Variants in GRM1 observed in about 807,000 individuals in gnomAD.
GRM1 encodes the protein glutamate metabotropic receptor 1, also known as metabotropic glutamate receptor 1.
Under a neutral mutation model 90.9 loss-of-function variants are expected in GRM1, and 33 were observed. That is an observed-to-expected ratio of 0.36 (90% CI 0.28 to 0.49). The LOEUF is 0.49. Among genes scored for constraint, GRM1 ranks in the 20% least tolerant of loss-of-function variants. The pLI is 0.99. For missense variants in GRM1, 1,190 were observed against 1,534.3 expected (o/e 0.78, Z 3.75); for synonymous variants, 700 against 613.2 (o/e 1.14, Z -2.09).
intron 1 of GRM1, among the ~76,000 whole-genome samples, chr6:146,123,394 C>T (rs1181090114): frequency 6.6e-6 from 1 of 152,140 alleles, no homozygotes. Context: ...ACCAGGCAAA[C>T]CTTCTTCTAG....
chr6:146,335,617 C>G (rs769644795), intron 3 of GRM1, among the ~76,000 whole-genome samples: 10 of 152,150 alleles, frequency 6.6e-5, no homozygotes, highest in Non-Finnish European at 1.2e-4. Flanking sequence ...ACTCCAAGTC[C>G]TAGAACATCA....
Position 146,357,646 on chromosome 6 carries a change from A to G in GRM1, c.1554A>G (p.Gly518=). ...DDYKIQMNKS[G]VVRSVCSEPC... The stretch of plus-strand genomic sequence containing the variant: ...ACAAAATCCAGATGAACAAGAGTGG[A>G]GTGGTGCGGTCTGTGTGCAGTGAGC... The change falls in exon 5 of 8, where the codon GGA becomes GGG. Residue 518 remains glycine (G), a synonymous_variant. Transcript: ENST00000282753. The G allele has an allele frequency of 1.9e-6, 3 of 1,614,046 alleles. No individual in the cohort carries two copies. The highest frequency in any genetic ancestry group is 1.7e-6 in the Non-Finnish European group (2 of 1,179,908).
chr6:146,139,169 G>A (rs1404709995), intron 1 of GRM1, among the ~76,000 whole-genome samples: 1 of 151,780 alleles, frequency 6.6e-6, no homozygotes, highest in Non-Finnish European at 1.5e-5. Context: ...TTTCATTATG[G>A]TCAAAGAAGA....
At chr6:146,118,814 C>T (rs1317306520) in intron 1 of GRM1, among the ~76,000 whole-genome samples, 1 of 152,174 alleles carries the variant, frequency 6.6e-6, no homozygotes, top group Non-Finnish European at 1.5e-5. Context: ...TGTATATGTG[C>T]CACATTTTCT....
chr6:146,357,809 G>A, intron 5 of GRM1, 115 bp downstream of exon 5: 1 of 859,202 alleles, frequency 1.2e-6, no homozygotes. Context: ...GGGTGTGCCA[G>A]GCTTACAGTT....
Position 146,399,661 on chromosome 6 carries a change from C to T in GRM1, c.2622C>T (p.Asn874=). 1.2e-6 allele frequency: 2 copies of T among 1,613,790 alleles called. No homozygotes were observed. Among genetic ancestry groups the T allele is most frequent in the Middle Eastern group, 1.7e-4 (1 of 6,012 alleles). ...KLPCRSNTFL[N]IFRRKKAGAG... Reference sequence around the variant, plus strand: ...CCTGCCGCTCCAACACTTTCCTCAACATCTTCCGAAGAAAGAAGGCAGGGG... The same window carrying T: ...CCTGCCGCTCCAACACTTTCCTCAATATCTTCCGAAGAAAGAAGGCAGGGG... Residue 874 remains asparagine, a synonymous_variant, in exon 7 of 8, where the codon AAC becomes AAT. Transcript: ENST00000282753. The surrounding 1 kb of genome is among the most constrained non-coding windows in gnomAD (Gnocchi z 5.4).
chr6:146,426,749 T>G (rs1778226067), intron 7 of GRM1: 1 of 655,314 alleles, frequency 1.5e-6, no homozygotes, highest in East Asian at 2.7e-5. Flanking sequence ...GCCATCAGAA[T>G]GAAGAATTCA....
At chr6:146,124,853 A>G (rs1196781621) in intron 1 of GRM1, among the ~76,000 whole-genome samples, 1 of 152,202 alleles carries the variant, frequency 6.6e-6, no homozygotes, top group Non-Finnish European at 1.5e-5. Flanking sequence ...GTTGACATTA[A>G]TAACCACAGA....
At position 146,363,873 on chromosome 6, in the gene GRM1, T is replaced by C. The variant is rs188521057; in HGVS notation, c.1602+6179T>C. Reference sequence around the variant, plus strand: ...GTCCAAATATAGGATAACAAAAATATGCTATAACACCATTTCCTGATAAGA... The same window carrying C: ...GTCCAAATATAGGATAACAAAAATACGCTATAACACCATTTCCTGATAAGA... On this transcript the variant is annotated intron_variant, in intron 5 of 7. Transcript: ENST00000282753. 1.1e-4 allele frequency among the ~76,000 whole-genome samples: 17 copies of C among 152,334 alleles called. No individual in the cohort carries two copies. The East Asian group carries it at 2.7e-3, about 24-fold the overall frequency.
intron 2 of GRM1, among the ~76,000 whole-genome samples, chr6:146,243,091 C>T (rs1780925934): frequency 6.6e-6 from 1 of 152,110 alleles, no homozygotes; most frequent in Admixed American, 6.6e-5. Flanking sequence ...CAGATCTTAA[C>T]ACAGGAACCT....
chr6:146,112,767 C>G, intron 1 of GRM1, among the ~76,000 whole-genome samples: 1 of 152,116 alleles, frequency 6.6e-6, no homozygotes, highest in South Asian at 2.1e-4. Flanking sequence ...TATGCAACTT[C>G]AAATCTGAGC....
intron 5 of GRM1, among the ~76,000 whole-genome samples, chr6:146,362,152 G>C (rs1256606648): frequency 6.6e-6 from 1 of 152,098 alleles, no homozygotes; most frequent in Admixed American, 6.5e-5. Context: ...TTGGTTTTGG[G>C]TTGGGAGGTT....
intron 4 of GRM1, among the ~76,000 whole-genome samples, chr6:146,356,311 C>T (rs1321076573): frequency 6.6e-6 from 1 of 152,120 alleles, no homozygotes; most frequent in African/African-American, 2.4e-5. Flanking sequence ...GCGCACAGTC[C>T]TGGAGGCTGG....
At chr6:146,072,082 C>A (rs182579726) in intron 1 of GRM1, among the ~76,000 whole-genome samples, 49 of 151,918 alleles carry the variant, frequency 3.2e-4, no homozygotes, top group African/African-American at 1.1e-3. Flanking sequence ...CATTTCAAAT[C>A]ATTCTTTTTG....
intron 2 of GRM1, among the ~76,000 whole-genome samples, chr6:146,182,024 T>C (rs772317168): frequency 7.2e-5 from 11 of 152,124 alleles, no homozygotes; most frequent in Non-Finnish European, 1.2e-4. Flanking sequence ...AAAAAAGTTG[T>C]GAAAGGTTAT....
At chr6:146,169,476 C>T (rs949748029) in intron 2 of GRM1, among the ~76,000 whole-genome samples, 1 of 152,106 alleles carries the variant, frequency 6.6e-6, no homozygotes, top group African/African-American at 2.4e-5. Context: ...AGTCTTTCTC[C>T]CGCCTTAGAT....
chr6:146,372,218 T>G (rs1775930060), intron 5 of GRM1, among the ~76,000 whole-genome samples: 1 of 152,176 alleles, frequency 6.6e-6, no homozygotes, highest in South Asian at 2.1e-4. Flanking sequence ...ATCAATGATG[T>G]TGAGCACTTT....
chr6:146,400,529 A>G (rs1036401686), intron 7 of GRM1, among the ~76,000 whole-genome samples: 1 of 152,204 alleles, frequency 6.6e-6, no homozygotes, highest in Non-Finnish European at 1.5e-5. Context: ...TATTTCTATA[A>G]TTCTTCTGAG....
At chr6:146,341,816 A>G (rs78128316) in intron 3 of GRM1, among the ~76,000 whole-genome samples, 8,276 of 152,230 alleles carry the variant, frequency 0.054, 739 homozygotes, top group African/African-American at 0.18. Context: ...GAGAAGCCTT[A>G]TAGGCATGGG....
Sources: allele counts gnomAD v4.1 joint callset (sites outside exome capture counted in the v4.1 genomes callset), GRCh38; gene constraint gnomAD v4.1.1; non-coding constraint Gnocchi (gnomAD v3.1); transcripts MANE v1.5; gene names NCBI Gene and HGNC (gene_info 2026-07-23, HGNC 2026-07-21).